Variants in BLTP3A observed in about 807,000 individuals in gnomAD.
BLTP3A encodes ICBP90 binding protein 1.
chr6:34,816,308 C>CT, the BLTP3A span, among the ~76,000 whole-genome samples: 1 of 152,036 alleles, frequency 6.6e-6, no homozygotes, highest in Non-Finnish European at 1.5e-5. Flanking sequence ...ATCTCACTTT[C>CT]TTTTCTTTAA....
chr6:34,817,105 C>T, the BLTP3A span, among the ~76,000 whole-genome samples: 12 of 152,322 alleles, frequency 7.9e-5, no homozygotes, highest in Admixed American at 7.8e-4. Context: ...TCCTCAGAGT[C>T]CTTAGGGGCA....
chr6:34,871,864 A>C, the BLTP3A span: 1 of 1,614,246 alleles, frequency 6.2e-7, no homozygotes, highest in Admixed American at 1.7e-5. Flanking sequence ...AAAAGTGAGA[A>C]GAGACAGCCC....
At chr6:34,855,700 G>T in the BLTP3A span, 15 of 1,613,518 alleles carry the variant, frequency 9.3e-6, no homozygotes, top group East Asian at 2.9e-4. Context: ...TTTCCATTGG[G>T]CAGGTTAGGA....
the BLTP3A span, among the ~76,000 whole-genome samples, chr6:34,870,244 C>T: frequency 1.3e-5 from 2 of 151,836 alleles, no homozygotes; most frequent in Non-Finnish European, 2.9e-5. Flanking sequence ...TGAGAGTTTC[C>T]CTGGGGTTGT....
the BLTP3A span, chr6:34,872,176 A>G: frequency 8.9e-7 from 1 of 1,126,284 alleles, no homozygotes; most frequent in Non-Finnish European, 1.2e-6. Flanking sequence ...AAGGTCTTAG[A>G]AAAGATATGG....
chr6:34,862,003 C>A, the BLTP3A span, among the ~76,000 whole-genome samples: 311 of 152,294 alleles, frequency 2.0e-3, 2 homozygotes, highest in African/African-American at 7.1e-3. Flanking sequence ...TCAGGTAGAA[C>A]CAATGCTGTA....
chr6:34,804,836 G>A, the BLTP3A span, among the ~76,000 whole-genome samples: 1 of 152,126 alleles, frequency 6.6e-6, no homozygotes, highest in Non-Finnish European at 1.5e-5. Context: ...AAGGTTGCAG[G>A]TTCTTGAGCC....
the BLTP3A span, among the ~76,000 whole-genome samples, chr6:34,845,877 G>A: frequency 6.6e-6 from 1 of 151,772 alleles, no homozygotes; most frequent in Non-Finnish European, 1.5e-5. Flanking sequence ...GATTACAGGC[G>A]TGAGCCACCG....
At chr6:34,857,943 C>T in the BLTP3A span, 6 of 1,602,790 alleles carry the variant, frequency 3.7e-6, no homozygotes, top group African/African-American at 8.0e-5. Flanking sequence ...GACTTTTATC[C>T]CCTGTTAGTA....
At chr6:34,872,371 A>G in the BLTP3A span, 7 of 1,613,232 alleles carry the variant, frequency 4.3e-6, no homozygotes, top group African/African-American at 1.3e-5. Context: ...GCCTTGGCCA[A>G]TGCCAACCAG....
chr6:34,823,357 C>T, the BLTP3A span: 1 of 1,608,470 alleles, frequency 6.2e-7, no homozygotes, highest in Non-Finnish European at 8.5e-7. Flanking sequence ...AGGTTAGTTT[C>T]TTTGAACCCT....
At chr6:34,820,480 G>A in the BLTP3A span, among the ~76,000 whole-genome samples, 1 of 151,810 alleles carries the variant, frequency 6.6e-6, no homozygotes, top group African/African-American at 2.4e-5. Flanking sequence ...GTTATCTTGG[G>A]GTTCTTCAGT....
At chr6:34,869,761 C>T in the BLTP3A span, among the ~76,000 whole-genome samples, 110 of 146,852 alleles carry the variant, frequency 7.5e-4, no homozygotes, top group African/African-American at 2.8e-3. Context: ...AAGTGATTCT[C>T]ATGCCTCAGC....
the BLTP3A span, among the ~76,000 whole-genome samples, chr6:34,855,096 T>A: frequency 6.6e-6 from 1 of 152,324 alleles, no homozygotes; most frequent in African/African-American, 2.4e-5. Context: ...AATGTCCTGT[T>A]TGTGTAGTGT....
chr6:34,801,098 A>G, the BLTP3A span, among the ~76,000 whole-genome samples: 1 of 152,220 alleles, frequency 6.6e-6, no homozygotes, highest in South Asian at 2.1e-4. Flanking sequence ...CTACACAGCA[A>G]TCTTTTTACA....
chr6:34,857,190 C>G, the BLTP3A span: 2,709 of 1,142,472 alleles, frequency 2.4e-3, 38 homozygotes, highest in African/African-American at 0.027. Flanking sequence ...TGTGAGAACA[C>G]CTGGAATATA....
chr6:34,871,887 G>T, the BLTP3A span: 1 of 1,614,206 alleles, frequency 6.2e-7, no homozygotes. Context: ...AAAAGAACAG[G>T]TGTTTTTGGT....
At chr6:34,857,637 T>A in the BLTP3A span, 1 of 1,473,912 alleles carries the variant, frequency 6.8e-7, no homozygotes, top group Non-Finnish European at 9.3e-7. Flanking sequence ...GTACCTTTGC[T>A]CTGTTCGTAA....
chr6:34,802,603 C>T, the BLTP3A span, among the ~76,000 whole-genome samples: 9 of 152,176 alleles, frequency 5.9e-5, no homozygotes, highest in South Asian at 4.1e-4. Context: ...TCAGGTGATC[C>T]GCCTGCCTCG....
Sources: gnomAD v4.1 joint callset for allele counts (sites outside exome capture counted in the v4.1 genomes callset) on GRCh38, gnomAD v4.1.1 for gene constraint, MANE v1.5 for transcripts, NCBI Gene and HGNC (gene_info 2026-07-23, HGNC 2026-07-21) for gene names.